Variants in TMEM132D observed in about 807,000 individuals in gnomAD.
The protein encoded by TMEM132D is transmembrane protein 132D, also known as mature OL transmembrane protein.
TMEM132D carries 21 observed loss-of-function variants against 62.3 expected under a neutral mutation model. That is an observed-to-expected ratio of 0.34 (90% confidence interval 0.24 to 0.49). TMEM132D has a LOEUF of 0.49. Ranked by LOEUF, TMEM132D falls within the 20% of genes least tolerant of loss-of-function variation. TMEM132D has a pLI of 0.99. For missense variants in TMEM132D, 1,346 were observed against 1,402.8 expected (o/e 0.96, Z 0.65); for synonymous variants, 621 against 575.6 (o/e 1.08, Z -1.13).
rs556087412 is a variant in TMEM132D at position 129,087,238 on chromosome 12, G to A, written c.1444-2536C>T. ...CGTCATGTAGGATCTGCCGTTTCGCGTCTGGTCTAGTGCACTTAGCGTCAT... is the reference window on the plus strand; with the variant it reads ...CGTCATGTAGGATCTGCCGTTTCGCATCTGGTCTAGTGCACTTAGCGTCAT... On this transcript the variant is annotated intron_variant, in intron 5 of 8. Coordinates refer to ENST00000422113, the MANE Select transcript of TMEM132D (RefSeq NM_133448.3). Among the ~76,000 whole-genome samples the A allele has an allele frequency of 7.2e-5, 11 of 152,144 alleles. No homozygotes were observed. The East Asian group carries it at 1.3e-3, about 19-fold the overall frequency.
intron 1 of TMEM132D, among the ~76,000 whole-genome samples, chr12:129,709,632 T>C (rs1481832903): frequency 1.3e-5 from 2 of 152,152 alleles, no homozygotes; most frequent in Non-Finnish European, 2.9e-5. Flanking sequence ...ATTTTTAATA[T>C]CCTGTGTGCC....
At chr12:129,837,231 T>C (rs1873034329) in intron 1 of TMEM132D, among the ~76,000 whole-genome samples, 2 of 152,236 alleles carry the variant, frequency 1.3e-5, no homozygotes, top group Admixed American at 1.3e-4. Flanking sequence ...TTGTGGAAAG[T>C]ATTTTGTGAC....
At chr12:129,583,807 T>C (rs1166207390) in intron 2 of TMEM132D, among the ~76,000 whole-genome samples, 1 of 152,218 alleles carries the variant, frequency 6.6e-6, no homozygotes, top group Non-Finnish European at 1.5e-5. Flanking sequence ...TGTAGCAGCT[T>C]CATAGGCTGT....
At chr12:129,340,310 T>C (rs1869427393) in intron 3 of TMEM132D, among the ~76,000 whole-genome samples, 1 of 151,148 alleles carries the variant, frequency 6.6e-6, no homozygotes, top group Non-Finnish European at 1.5e-5. Flanking sequence ...GAATTCTTTT[T>C]CTTTTTTTTT....
chr12:129,282,219 C>G (rs904988638), intron 4 of TMEM132D, among the ~76,000 whole-genome samples: 1 of 152,122 alleles, frequency 6.6e-6, no homozygotes. Context: ...CAACCCTGGT[C>G]TGAATTCTAA....
chr12:129,176,713 T>C (rs1352180), intron 5 of TMEM132D, among the ~76,000 whole-genome samples: 38,666 of 152,224 alleles, frequency 0.25, 6,139 homozygotes, highest in East Asian at 0.51. Context: ...TTCCTGTTGG[T>C]AATTAACTTC....
At chr12:129,799,219 C>T (rs925738880) in intron 1 of TMEM132D, among the ~76,000 whole-genome samples, 2 of 151,954 alleles carry the variant, frequency 1.3e-5, no homozygotes, top group Non-Finnish European at 2.9e-5. Flanking sequence ...GAGCTGAGAT[C>T]GCGCCACTGC....
In TMEM132D at chr12:129,784,682, C is replaced by T. The variant is rs117147212; in HGVS notation, c.80-83984G>A. The stretch of plus-strand genomic sequence containing the variant: ...CTGTTCGGTTGAAAAGTGTATCATT[C>T]CATTCCCTCCTATTAGCAGGAAGCA... On this transcript the variant is annotated intron_variant, in intron 1 of 8. Coordinates refer to ENST00000422113, the MANE Select transcript of TMEM132D (RefSeq NM_133448.3). Among the ~76,000 whole-genome samples, 272 of 152,272 alleles carry T rather than the reference C, an allele frequency of 1.8e-3. 2 individuals carry two copies. The highest frequency in any genetic ancestry group is 3.1e-3 in the Non-Finnish European group (213 of 68,026).
intron 1 of TMEM132D, among the ~76,000 whole-genome samples, chr12:129,866,007 T>G (rs576334261): frequency 6.6e-6 from 1 of 152,250 alleles, no homozygotes; most frequent in East Asian, 1.9e-4. Context: ...AGTTTGGTGT[T>G]TGTTTTGGTT....
intron 3 of TMEM132D, among the ~76,000 whole-genome samples, chr12:129,468,059 C>T (rs994908629): frequency 5.9e-5 from 9 of 152,192 alleles, no homozygotes; most frequent in Admixed American, 6.5e-5. Flanking sequence ...AATTGACACT[C>T]CTGAAATATA....
chr12:129,589,873 C>G (rs577042309), intron 2 of TMEM132D, among the ~76,000 whole-genome samples: 1 of 152,278 alleles, frequency 6.6e-6, no homozygotes, highest in South Asian at 2.1e-4. Flanking sequence ...ATTTCATCTC[C>G]TGGATTGTTC....
rs550934140 is a variant in TMEM132D, at chr12:129,433,753, A to C, written c.1116-95936T>G. ...CGTGGCTGCCAGGAGGTGCTAAGGG[A>C]GGTGGTGAAACCCCACGAAGGGATG... On this transcript the variant is annotated intron_variant, in intron 3 of 8. Transcript: ENST00000422113. 7.2e-5 allele frequency among the ~76,000 whole-genome samples: 11 copies of C among 152,294 alleles called. No individual in the cohort carries two copies. In the South Asian group the frequency reaches 2.1e-3, roughly 29 times the overall value.
rs536581701 is a variant in TMEM132D, at chr12:129,477,927, T to C, written c.1115+53132A>G. Among the ~76,000 whole-genome samples, 102 of 152,318 alleles carry C rather than the reference T, an allele frequency of 6.7e-4. No homozygotes were observed. The South Asian group carries it at 0.015, about 22-fold the overall frequency. ...GTTGTTTAATGACGGGGACATGTTA[T>C]ATGTGTCCTCAGGCAATTTCATTGT... is the stretch of plus-strand genomic sequence containing the variant. On this transcript the variant is annotated intron_variant, in intron 3 of 8. Transcript: ENST00000422113.
intron 4 of TMEM132D, chr12:129,209,987 C>T (rs1322643753): frequency 7.6e-6 from 2 of 262,196 alleles, no homozygotes; most frequent in South Asian, 1.5e-4. Flanking sequence ...AATATCGGCT[C>T]GTCAATCCTC....
In TMEM132D at chr12:129,199,802, G is replaced by A. The variant is rs1345323244; in HGVS notation, c.1443+9718C>T. Among the ~76,000 whole-genome samples, 3 of 152,230 alleles carry A rather than the reference G, an allele frequency of 2.0e-5. No individual in the cohort carries two copies. The East Asian group carries it at 5.8e-4, about 29-fold the overall frequency. The stretch of plus-strand genomic sequence containing the variant: ...TCTCATGACACTTATTCACTATCAT[G>A]AGAACAGCATGGGAAAGACCCGCCC... On this transcript the variant is annotated intron_variant, in intron 5 of 8. Coordinates refer to ENST00000422113, the MANE Select transcript of TMEM132D (RefSeq NM_133448.3).
chr12:129,662,812 A>AAGAGAGAGAGAG (rs11465137), intron 2 of TMEM132D, among the ~76,000 whole-genome samples: 2 of 83,398 alleles, frequency 2.4e-5, no homozygotes, highest in Non-Finnish European at 2.2e-5. Flanking sequence ...AAAAAAAAAA[A>AAGAGAGAGAGAG]AGAGAGAGAG....
At chr12:129,405,005 G>A (rs1440764887) in intron 3 of TMEM132D, among the ~76,000 whole-genome samples, 3 of 152,228 alleles carry the variant, frequency 2.0e-5, no homozygotes, top group Non-Finnish European at 1.5e-5. Context: ...CAGGGTGGAT[G>A]TGAATGAAAT....
intron 1 of TMEM132D, among the ~76,000 whole-genome samples, chr12:129,794,202 C>T (rs1438092570): frequency 6.6e-6 from 1 of 151,142 alleles, no homozygotes; most frequent in Admixed American, 6.6e-5. Context: ...AATTCTCCTG[C>T]CTCAGTCTCT....
In TMEM132D at chr12:129,636,737, T is replaced by TGTGTGTGTGTGTGTGTGTGAGAGA. The variant is rs375868329; in HGVS notation, c.968+63072_968+63073insTCTCTCACACACACACACACACAC. On this transcript the variant is annotated intron_variant, in intron 2 of 8. Transcript: ENST00000422113. ...GTGTGTGTGTGTGTGTGTGTGTGTGTGAGAGAGAGAGAGAGAGAGACAGAG... is the reference window on the plus strand; with the variant it reads ...GTGTGTGTGTGTGTGTGTGTGTGTGTGTGTGTGTGTGTGTGTGTGAGAGAGAGAGAGAGAGAGAGAGAGACAGAG... Among the ~76,000 whole-genome samples the TGTGTGTGTGTGTGTGTGTGAGAGA allele has an allele frequency of 3.5e-3, 399 of 113,506 alleles. 5 individuals are homozygous for TGTGTGTGTGTGTGTGTGTGAGAGA. Among genetic ancestry groups the TGTGTGTGTGTGTGTGTGTGAGAGA allele is most frequent in the Admixed American group, 9.3e-3 (94 of 10,070 alleles). The allele number at this position is 113,506 out of a possible 152,430, so 74.5% of individuals were successfully genotyped here. A position where few individuals can be genotyped will look rare whatever the true frequency, so the allele number is the denominator to read the frequency against.
Sources: gnomAD v4.1 joint callset for allele counts (sites outside exome capture counted in the v4.1 genomes callset) on GRCh38, gnomAD v4.1.1 for gene constraint, MANE v1.5 for transcripts, NCBI Gene and HGNC (gene_info 2026-07-23, HGNC 2026-07-21) for gene names.